The following DNAH9 variants were observed in gnomAD, a reference collection of about 807,000 sequenced individuals.
DNAH9 encodes DNAH9 variant protein.
A neutral mutation model predicts 471.6 loss-of-function variants in DNAH9; 345 were observed. That is an observed-to-expected ratio of 0.73 (90% CI 0.67 to 0.80). The LOEUF (loss-of-function observed/expected upper bound fraction) is 0.80, where lower values mean the gene tolerates loss of function less well. DNAH9 is among the 30% of genes least tolerant of loss of function. The pLI is 0.00. For missense variants in DNAH9, 5,407 were observed against 5,609.2 expected (o/e 0.96, Z 1.15); for synonymous variants, 2,093 against 2,123.6 (o/e 0.99, Z 0.40).
At chr17:11,895,402 A>G (rs1311820988) in intron 59 of DNAH9, among the ~76,000 whole-genome samples, 1 of 152,210 alleles carries the variant, frequency 6.6e-6, no homozygotes, top group African/African-American at 2.4e-5. Flanking sequence ...TGTTTATTGC[A>G]TTTTACAGAT....
chr17:11,875,286 G>T (rs1445013966), intron 53 of DNAH9, 102 bp downstream of exon 53: 3 of 885,452 alleles, frequency 3.4e-6, no homozygotes, highest in Non-Finnish European at 5.2e-6. Context: ...GTACACTCCT[G>T]GTCTCTCCAT....
chr17:11,755,720 G>A (rs1185401205), intron 33 of DNAH9, among the ~76,000 whole-genome samples: 2 of 151,848 alleles, frequency 1.3e-5, no homozygotes, highest in East Asian at 3.9e-4. Flanking sequence ...AGGGGTGGTG[G>A]TGGAGAGTGC....
At chr17:11,673,723 C>A (rs1247269425) in intron 17 of DNAH9, among the ~76,000 whole-genome samples, 1 of 151,274 alleles carries the variant, frequency 6.6e-6, no homozygotes, top group Non-Finnish European at 1.5e-5. Context: ...TTTGCATCAT[C>A]CAGCTAAGAA....
intron 28 of DNAH9, among the ~76,000 whole-genome samples, chr17:11,729,909 A>C (rs892686808): frequency 6.6e-6 from 1 of 152,214 alleles, no homozygotes; most frequent in African/African-American, 2.4e-5. Flanking sequence ...CCGCAAATCC[A>C]TGCCACCTTC....
Position 11,747,610 on chromosome 17 carries a change from G to A in DNAH9, c.6454G>A (p.Gly2152Ser), listed in dbSNP as rs201739524. ...GCGGCACTCTGTATTTGTGGTGGGT[G>A]GCGCTGGTACCGGCAAGTCACAGGT... ...AVRHSVFVVG[G>S]AGTGKSQVLR... The change falls in exon 32 of 69, where the codon GGC becomes AGC. Residue 2152 changes from glycine to serine, a missense_variant. By Grantham distance (56) the Gly-to-Ser change is moderately conservative. This residue lies in a region of DNAH9 where 4,636 missense variants were observed against 4,900.3 expected (regional missense o/e 0.95). Coordinates refer to ENST00000262442, the MANE Select transcript of DNAH9 (RefSeq NM_001372.4). 5.0e-5 allele frequency: 81 copies of A among 1,614,000 alleles called. No individual in the cohort carries two copies. The highest frequency in any genetic ancestry group is 6.4e-5 in the Non-Finnish European group (76 of 1,180,038).
intron 50 of DNAH9, among the ~76,000 whole-genome samples, chr17:11,866,807 C>T (rs1379509323): frequency 6.6e-6 from 1 of 152,238 alleles, no homozygotes; most frequent in Non-Finnish European, 1.5e-5. Context: ...ATTCTGTGGG[C>T]ATAGGACCCT....
At chr17:11,931,740 A>G (rs1055651779) in intron 63 of DNAH9, among the ~76,000 whole-genome samples, 1 of 152,158 alleles carries the variant, frequency 6.6e-6, no homozygotes, top group African/African-American at 2.4e-5. Context: ...GATCCCCATC[A>G]GCTACATTAG....
chr17:11,760,232 T>A (rs1390665380), intron 35 of DNAH9, among the ~76,000 whole-genome samples: 1 of 152,254 alleles, frequency 6.6e-6, no homozygotes, highest in Non-Finnish European at 1.5e-5. Flanking sequence ...ATCTTTTTGA[T>A]AAAATAATTT....
At chr17:11,889,049 T>C (rs1275461261) in intron 57 of DNAH9, among the ~76,000 whole-genome samples, 3 of 152,166 alleles carry the variant, frequency 2.0e-5, no homozygotes, top group African/African-American at 7.2e-5. Flanking sequence ...TAAGTGGCAG[T>C]AAAGTAATTT....
intron 45 of DNAH9, among the ~76,000 whole-genome samples, chr17:11,820,582 T>C (rs1394148235): frequency 6.6e-6 from 1 of 152,232 alleles, no homozygotes; most frequent in Admixed American, 6.5e-5. Flanking sequence ...CAGAAATTTT[T>C]ATTTCCTTCA....
chr17:11,823,833 G>A lies in DNAH9; in HGVS notation c.9246+799G>A, dbSNP rs374591714. Among the ~76,000 whole-genome samples, 12 of 152,050 alleles carry A rather than the reference G, an allele frequency of 7.9e-5. No individual in the cohort carries two copies. In the East Asian group the frequency reaches 1.6e-3, roughly 20 times the overall value. On this transcript the variant is annotated intron_variant, in intron 48 of 68. Coordinates refer to ENST00000262442, the MANE Select transcript of DNAH9 (RefSeq NM_001372.4). The stretch of plus-strand genomic sequence containing the variant: ...TAGTCCCAGCCACTCAGGAGGCTGA[G>A]GCAGGAAAATCACTTGAACCCAGGT...
intron 48 of DNAH9, among the ~76,000 whole-genome samples, chr17:11,832,471 G>T (rs565640798): frequency 6.6e-5 from 10 of 152,196 alleles, no homozygotes; most frequent in Non-Finnish European, 1.3e-4. Flanking sequence ...CTTTGTCCCT[G>T]TAGAAATAAC....
chr17:11,801,719 T>C (rs112458285), intron 43 of DNAH9, among the ~76,000 whole-genome samples: 3 of 152,230 alleles, frequency 2.0e-5, no homozygotes, highest in African/African-American at 7.2e-5. Flanking sequence ...TTCAACCTTA[T>C]GAAGCTCCAG....
intron 43 of DNAH9, among the ~76,000 whole-genome samples, chr17:11,798,457 A>AAGAGAG (rs1166706295): frequency 7.7e-6 from 1 of 130,040 alleles, no homozygotes; most frequent in East Asian, 2.3e-4. Context: ...AAAAAAAAAA[A>AAGAGAG]AGAGAGAGAG....
At chr17:11,664,780 A>C in intron 14 of DNAH9, 53 bp from the exon 15 acceptor site, 1 of 1,453,580 alleles carries the variant, frequency 6.9e-7, no homozygotes, top group South Asian at 1.2e-5. Flanking sequence ...TGATTACACC[A>C]GTTCTTTCAT....
chr17:11,842,385 T>G (rs113255935), intron 49 of DNAH9, among the ~76,000 whole-genome samples: 9,366 of 152,308 alleles, frequency 0.061, 400 homozygotes, highest in Non-Finnish European at 0.084. Flanking sequence ...AGTCACTGTA[T>G]TAGTCAGGTT....
In DNAH9 at chr17:11,626,099, T is replaced by C. The variant is rs1479367697; in HGVS notation, c.1351-3318T>C. 6.6e-6 allele frequency among the ~76,000 whole-genome samples: 1 copy of C among 152,232 alleles called. No individual in the cohort carries two copies. Among genetic ancestry groups the C allele is most frequent in the African/African-American group, 2.4e-5 (1 of 41,464 alleles). On this transcript the variant is annotated intron_variant, in intron 6 of 68. Transcript: ENST00000262442. This position sits in a 1 kb window ranked among gnomAD's most constrained non-coding sequence, Gnocchi z 4.3. ...AACTCAGGGTTTTTTGTTTGTTTGT[T>C]CTGGCCCTAGATCCTAGGCTCTTTC... is the stretch of plus-strand genomic sequence containing the variant.
At chr17:11,797,258 T>C (rs1038659864) in intron 42 of DNAH9, among the ~76,000 whole-genome samples, 1 of 152,150 alleles carries the variant, frequency 6.6e-6, no homozygotes, top group Non-Finnish European at 1.5e-5. Context: ...CATTCAATAC[T>C]GGTGAAAGAG....
At chr17:11,800,287 C>T (rs1969405657) in intron 43 of DNAH9, among the ~76,000 whole-genome samples, 1 of 151,850 alleles carries the variant, frequency 6.6e-6, no homozygotes, top group Non-Finnish European at 1.5e-5. Context: ...CTATCTAAGT[C>T]TAGTCCCTAC....
Sources: allele counts gnomAD v4.1 joint callset (sites outside exome capture counted in the v4.1 genomes callset), GRCh38; gene constraint gnomAD v4.1.1; regional missense constraint gnomAD v4.1.1; non-coding constraint Gnocchi (gnomAD v3.1); transcripts MANE v1.5; gene names NCBI Gene and HGNC (gene_info 2026-07-23, HGNC 2026-07-21).